The following ARHGEF26 variants were observed in gnomAD, a reference collection of about 807,000 sequenced individuals.
The protein encoded by ARHGEF26 is Rho guanine nucleotide exchange factor 26.
ARHGEF26 carries 59 observed loss-of-function variants against 89.4 expected under a neutral mutation model. The ratio of observed to expected loss-of-function variants is 0.66; its 90% CI spans 0.54 to 0.82. ARHGEF26 has a LOEUF of 0.82. Among genes scored for constraint, ARHGEF26 ranks in the 40% least tolerant of loss-of-function variants. The pLI is 0.00. For synonymous variants in ARHGEF26, 500 were observed against 428.4 expected, an observed-to-expected ratio of 1.17 and a Z score of -2.06; for missense variants, 1,234 against 1,085.6, an observed-to-expected ratio of 1.14 and a Z score of -1.92.
rs1335584128 is a variant in ARHGEF26 at position 154,256,529 on chromosome 3, A to G, written c.*1056A>G. 1.0e-6 allele frequency: 1 copy of G among 954,114 alleles called. No individual in the cohort carries two copies. The highest frequency in any genetic ancestry group is 1.9e-5 in the African/African-American group (1 of 52,262). The allele number at this position is 954,114 out of a possible 1,614,324, so 59.1% of individuals were successfully genotyped here. A position where few individuals can be genotyped will look rare whatever the true frequency, so the allele number is the denominator to read the frequency against. On this transcript the variant is annotated 3_prime_UTR_variant, in exon 15 of 15. Coordinates refer to ENST00000465093, the MANE Select transcript of ARHGEF26 (RefSeq NM_015595.4). ...ATTATAGGCATGAGCCACCGTGCCC[A>G]GCCTACTTTCTAATTAATTAAAAAA...
At chr3:154,176,450 A>G (rs1213807756) in intron 6 of ARHGEF26, among the ~76,000 whole-genome samples, 1 of 152,162 alleles carries the variant, frequency 6.6e-6, no homozygotes, top group Non-Finnish European at 1.5e-5. Flanking sequence ...AGAAGGTGTG[A>G]TTACTTACAA....
chr3:154,236,741 A>G (rs1480359512), intron 11 of ARHGEF26, among the ~76,000 whole-genome samples: 2 of 152,168 alleles, frequency 1.3e-5, no homozygotes, highest in African/African-American at 4.8e-5. Context: ...TCCTCTTTCT[A>G]CTGAAGCACT....
intron 10 of ARHGEF26, among the ~76,000 whole-genome samples, chr3:154,219,985 T>G (rs1024718513): frequency 5.3e-5 from 8 of 152,190 alleles, no homozygotes; most frequent in Admixed American, 5.2e-4. Flanking sequence ...GAGTTTTGGT[T>G]GTTTTCATTC....
chr3:154,179,516 A>G (rs357470), intron 6 of ARHGEF26, among the ~76,000 whole-genome samples: 77,117 of 147,056 alleles, frequency 0.52, 19,759 homozygotes, highest in Non-Finnish European at 0.56. Flanking sequence ...AATTGAACAG[A>G]GAGGGCTAGC....
intron 9 of ARHGEF26, among the ~76,000 whole-genome samples, chr3:154,211,634 T>C (rs73872150): frequency 0.06 from 9,200 of 152,224 alleles, 936 homozygotes; most frequent in African/African-American, 0.21. Flanking sequence ...TTGGTTCTTA[T>C]GAAGGTGTTT....
chr3:154,204,035 T>C (rs1296781531), intron 9 of ARHGEF26, among the ~76,000 whole-genome samples: 1 of 152,142 alleles, frequency 6.6e-6, no homozygotes, highest in East Asian at 1.9e-4. Flanking sequence ...AAGTATTCCC[T>C]CCTCCTCTAT....
At chr3:154,166,368 G>A (rs1371891313) in intron 6 of ARHGEF26, among the ~76,000 whole-genome samples, 1 of 152,132 alleles carries the variant, frequency 6.6e-6, no homozygotes, top group Non-Finnish European at 1.5e-5. Flanking sequence ...TTTTTAATGT[G>A]GGAAAGAGTT....
upstream of ARHGEF26, chr3:154,121,140 C>G (rs1294388202): frequency 6.6e-6 from 1 of 151,448 alleles, no homozygotes. Flanking sequence ...CTCTGTGCCC[C>G]CGGCAACGAC....
intron 6 of ARHGEF26, among the ~76,000 whole-genome samples, chr3:154,160,222 C>T (rs1711573878): frequency 6.6e-6 from 1 of 152,088 alleles, no homozygotes; most frequent in Non-Finnish European, 1.5e-5. Flanking sequence ...AGTAAGTCTA[C>T]GTGAGTATTC....
rs373075503 is a variant in ARHGEF26 at position 154,193,025 on chromosome 3, T to G, written c.1770+1607T>G. On this transcript the variant is annotated intron_variant, in intron 8 of 14. Transcript: ENST00000465093. ...GGAGATTCATGCCATGATTGCTCAG[T>G]AGGCTTTAAACTTTTTTTAAGCCAC... Among the ~76,000 whole-genome samples, 57 of 151,086 alleles carry G rather than the reference T, an allele frequency of 3.8e-4. 1 individual carries two copies. The South Asian group carries it at 9.0e-3, about 24-fold the overall frequency.
intron 9 of ARHGEF26, among the ~76,000 whole-genome samples, chr3:154,210,143 A>G (rs1715274107): frequency 1.3e-5 from 2 of 152,130 alleles, no homozygotes; most frequent in Non-Finnish European, 2.9e-5. Context: ...CCTTCAGGGC[A>G]GTGGGCTCCC....
At chr3:154,246,740 A>G (rs186538972) in intron 12 of ARHGEF26, among the ~76,000 whole-genome samples, 38 of 152,290 alleles carry the variant, frequency 2.5e-4, no homozygotes, top group Non-Finnish European at 5.3e-4. Context: ...GTTGGCTTGG[A>G]CCGTGATATG....
rs774509781 is a variant in ARHGEF26 at position 154,129,571 on chromosome 3, C to A, written c.1124-3C>A. On this transcript the variant is annotated splice_polypyrimidine_tract_variant and splice_region_variant and intron_variant, in intron 3 of 14. Coordinates refer to ENST00000465093, the MANE Select transcript of ARHGEF26 (RefSeq NM_015595.4). ...GTGACACATAGGCCTTGTTTTCTTGCAGAAAATGCTGTCCTGTATCAAAAC... is the reference window on the plus strand; with the variant it reads ...GTGACACATAGGCCTTGTTTTCTTGAAGAAAATGCTGTCCTGTATCAAAAC... The A allele has an allele frequency of 6.2e-7, 1 of 1,610,172 alleles. No individual in the cohort carries two copies. The highest frequency in any genetic ancestry group is 1.1e-5 in the South Asian group (1 of 90,164).
chr3:154,135,986 T>C (rs1718978883), intron 4 of ARHGEF26, among the ~76,000 whole-genome samples: 1 of 152,200 alleles, frequency 6.6e-6, no homozygotes, highest in African/African-American at 2.4e-5. Context: ...TGCCCTGACC[T>C]GATTTATTTG....
intron 9 of ARHGEF26, among the ~76,000 whole-genome samples, chr3:154,210,240 TC>T (rs777182262): frequency 6.6e-6 from 1 of 152,216 alleles, no homozygotes; most frequent in Admixed American, 6.5e-5. Flanking sequence ...TGTTCTACCT[TC>T]CTGTGACCAT....
At chr3:154,234,390 C>G (rs754856475) in intron 11 of ARHGEF26, among the ~76,000 whole-genome samples, 1 of 152,100 alleles carries the variant, frequency 6.6e-6, no homozygotes, top group South Asian at 2.1e-4. Flanking sequence ...TTTAACAGCA[C>G]CTCTCTGACC....
chr3:154,220,434 G>A (rs1024870411), intron 10 of ARHGEF26, among the ~76,000 whole-genome samples: 2 of 152,216 alleles, frequency 1.3e-5, no homozygotes, highest in African/African-American at 4.8e-5. Context: ...AGGGCTGGGG[G>A]ACTTGGAGCA....
At chr3:154,128,802 G>C (rs1447506169) in intron 3 of ARHGEF26, among the ~76,000 whole-genome samples, 1 of 152,118 alleles carries the variant, frequency 6.6e-6, no homozygotes, top group African/African-American at 2.4e-5. Flanking sequence ...CTCCAGTGAG[G>C]CCTTCCTAAA....
chr3:154,159,867 C>T (rs1711556883), intron 6 of ARHGEF26, among the ~76,000 whole-genome samples: 1 of 152,206 alleles, frequency 6.6e-6, no homozygotes, highest in Non-Finnish European at 1.5e-5. Context: ...TTAAATTTAA[C>T]TAGGCCAGAG....
Sources: allele counts gnomAD v4.1 joint callset (sites outside exome capture counted in the v4.1 genomes callset), GRCh38; gene constraint gnomAD v4.1.1; transcripts MANE v1.5; gene names NCBI Gene and HGNC (gene_info 2026-07-23, HGNC 2026-07-21).